DLG2: variants seen among roughly 807,000 people sequenced by gnomAD.
DLG2 encodes the protein discs large MAGUK scaffold protein 2, also known as disks large homolog 2.
A neutral mutation model predicts 132.5 loss-of-function variants in DLG2; 45 were observed. The ratio of observed to expected loss-of-function variants is 0.34; its 90% CI spans 0.27 to 0.44. DLG2 has a LOEUF of 0.44. Ranked by LOEUF, DLG2 falls within the 20% of genes least tolerant of loss-of-function variation. DLG2 has a pLI of 1.00. For missense variants in DLG2, 1,045 were observed against 1,196.9 expected (o/e 0.87, Z 1.87); for synonymous variants, 424 against 419.6 (o/e 1.01, Z -0.13).
intron 10 of DLG2, among the ~76,000 whole-genome samples, chr11:84,059,990 A>G (rs2096565140): frequency 6.6e-6 from 1 of 152,210 alleles, no homozygotes; most frequent in Non-Finnish European, 1.5e-5. Context: ...AAGGTAGAAG[A>G]AAAAATATAC....
chr11:83,746,469 T>C (rs1007771875), intron 18 of DLG2, among the ~76,000 whole-genome samples: 2 of 151,960 alleles, frequency 1.3e-5, no homozygotes, highest in African/African-American at 4.8e-5. Context: ...CAGCAAACCA[T>C]TGCAAGGACA....
chr11:85,114,472 T>C (rs2073244958), intron 5 of DLG2, among the ~76,000 whole-genome samples: 2 of 152,016 alleles, frequency 1.3e-5, no homozygotes, highest in African/African-American at 4.8e-5. Flanking sequence ...CATTCATCTA[T>C]CCAGGATGTT....
intron 6 of DLG2, among the ~76,000 whole-genome samples, chr11:84,782,455 C>G (rs893793836): frequency 3.3e-5 from 5 of 151,702 alleles, no homozygotes; most frequent in Non-Finnish European, 7.4e-5. Flanking sequence ...CACACACACA[C>G]ACACACACAC....
chr11:85,112,287 G>T (rs1344678687), intron 5 of DLG2, among the ~76,000 whole-genome samples: 1 of 152,078 alleles, frequency 6.6e-6, no homozygotes, highest in Admixed American at 6.6e-5. Flanking sequence ...CAAGGAGTCA[G>T]AAATTTGACA....
At chr11:85,388,797 G>A (rs955779932) in intron 3 of DLG2, among the ~76,000 whole-genome samples, 4 of 152,086 alleles carry the variant, frequency 2.6e-5, no homozygotes, top group East Asian at 3.9e-4. Flanking sequence ...TAGGAGAAAC[G>A]GGAGAGCACC....
intron 6 of DLG2, among the ~76,000 whole-genome samples, chr11:84,778,257 T>C (rs1026417168): frequency 1.3e-5 from 2 of 152,270 alleles, no homozygotes; most frequent in African/African-American, 4.8e-5. Flanking sequence ...AAAGATCAGT[T>C]GGTTGTAGTT....
At chr11:83,855,464 A>G (rs2060384675) in intron 16 of DLG2, among the ~76,000 whole-genome samples, 2 of 152,228 alleles carry the variant, frequency 1.3e-5, no homozygotes, top group Admixed American at 6.5e-5. Context: ...ACTGTGGTAC[A>G]TCTAGAAAAT....
At chr11:84,358,531 A>G (rs960559043) in intron 7 of DLG2, among the ~76,000 whole-genome samples, 2 of 151,710 alleles carry the variant, frequency 1.3e-5, no homozygotes, top group African/African-American at 4.8e-5. Flanking sequence ...AGCCCTGGGG[A>G]AGCTAGTGAT....
intron 16 of DLG2, among the ~76,000 whole-genome samples, chr11:83,855,073 G>C (rs79053680): frequency 1.7e-4 from 26 of 152,046 alleles, no homozygotes; most frequent in African/African-American, 6.0e-4. Context: ...ATGAAAAGAC[G>C]CCTCACATCA....
Position 83,730,063 on chromosome 11 carries a change from G to A in DLG2, c.1825+56627C>T, listed in dbSNP as rs1340844212. Reference sequence around the variant, plus strand: ...AAATACAAGAGATTTTTAAAGAAAAGATATTAGAACAAAATAGATATTGCT... The same window carrying A: ...AAATACAAGAGATTTTTAAAGAAAAAATATTAGAACAAAATAGATATTGCT... On this transcript the variant is annotated intron_variant, in intron 18 of 27. Transcript: ENST00000376104. Among the ~76,000 whole-genome samples the A allele has an allele frequency of 5.4e-5, 8 of 149,202 alleles. No homozygotes were observed. In the South Asian group the frequency reaches 8.5e-4, roughly 16 times the overall value.
intron 2 of DLG2, among the ~76,000 whole-genome samples, chr11:85,624,697 T>C (rs2081944611): frequency 6.6e-6 from 1 of 152,196 alleles, no homozygotes; most frequent in Admixed American, 6.5e-5. Flanking sequence ...ACTAGCAGTT[T>C]TAAGAGATTA....
chr11:84,302,230 G>A (rs1345644438), intron 7 of DLG2, among the ~76,000 whole-genome samples: 1 of 152,090 alleles, frequency 6.6e-6, no homozygotes, highest in Non-Finnish European at 1.5e-5. Context: ...ATAGCATTAA[G>A]AGAAATACCT....
chr11:84,896,386 T>A (rs1412054252), intron 6 of DLG2, among the ~76,000 whole-genome samples: 1 of 152,040 alleles, frequency 6.6e-6, no homozygotes, highest in Non-Finnish European at 1.5e-5. Flanking sequence ...TACAAGTTTT[T>A]CCTCCCAATA....
intron 10 of DLG2, among the ~76,000 whole-genome samples, chr11:84,081,681 G>C (rs2096906092): frequency 6.6e-6 from 1 of 152,164 alleles, no homozygotes; most frequent in South Asian, 2.1e-4. Flanking sequence ...GTATTCCATG[G>C]TGTGTATTTG....
chr11:84,549,876 C>T (rs1210698142), intron 6 of DLG2, among the ~76,000 whole-genome samples: 1 of 152,064 alleles, frequency 6.6e-6, no homozygotes, highest in Non-Finnish European at 1.5e-5. Flanking sequence ...ACCTCAGACT[C>T]CTAAGTAGCT....
chr11:85,471,737 A>T (rs916595455), intron 3 of DLG2, among the ~76,000 whole-genome samples: 1 of 152,184 alleles, frequency 6.6e-6, no homozygotes, highest in Non-Finnish European at 1.5e-5. Flanking sequence ...TTGTAAGAGC[A>T]GTCCCAGAAA....
At chr11:83,878,954 A>G (rs2065445326) in intron 15 of DLG2, among the ~76,000 whole-genome samples, 1 of 152,196 alleles carries the variant, frequency 6.6e-6, no homozygotes, top group Non-Finnish European at 1.5e-5. Flanking sequence ...TGCTGTCATT[A>G]AATAAAATTG....
chr11:83,596,443 A>G (rs776793520), intron 19 of DLG2, among the ~76,000 whole-genome samples: 6 of 152,092 alleles, frequency 3.9e-5, no homozygotes, highest in Non-Finnish European at 7.4e-5. Context: ...CTCTTCATTT[A>G]TTCCCATTGC....
chr11:85,087,423 G>A (rs1356994061), intron 6 of DLG2, among the ~76,000 whole-genome samples: 1 of 152,224 alleles, frequency 6.6e-6, no homozygotes, highest in Non-Finnish European at 1.5e-5. Context: ...CCAGGCAAAT[G>A]AGACAGTGAT....
Sources: allele counts gnomAD v4.1 joint callset (sites outside exome capture counted in the v4.1 genomes callset), GRCh38; gene constraint gnomAD v4.1.1; transcripts MANE v1.5; gene names NCBI Gene and HGNC (gene_info 2026-07-23, HGNC 2026-07-21).